Variants in GRM8 observed in about 807,000 individuals in gnomAD.
The protein encoded by GRM8 is glutamate metabotropic receptor 8.
GRM8 carries 47 observed loss-of-function variants against 87.2 expected under a neutral mutation model. The observed-to-expected ratio is 0.54, with a 90% CI of 0.43 to 0.69. GRM8 has a LOEUF of 0.69. Ranked by LOEUF, GRM8 falls within the 30% of genes least tolerant of loss-of-function variation. GRM8 has a pLI of 0.00. For missense variants in GRM8, 1,019 were observed against 1,139.2 expected (o/e 0.89, Z 1.52); for synonymous variants, 396 against 404.5 (o/e 0.98, Z 0.25).
intron 1 of GRM8, among the ~76,000 whole-genome samples, chr7:127,251,602 A>G (rs1582260): frequency 0.22 from 33,495 of 151,526 alleles, 4,193 homozygotes; most frequent in Middle Eastern, 0.32. Context: ...GGCCGTGGGG[A>G]GAGCGCCAGG....
intron 8 of GRM8, among the ~76,000 whole-genome samples, chr7:126,570,123 C>A (rs1794575414): frequency 6.6e-6 from 1 of 152,134 alleles, no homozygotes; most frequent in Non-Finnish European, 1.5e-5. Context: ...TTGATATTTT[C>A]TTTTGTTGTC....
chr7:126,544,835 T>G (rs1422395520), intron 8 of GRM8, among the ~76,000 whole-genome samples: 2 of 152,084 alleles, frequency 1.3e-5, no homozygotes, highest in Non-Finnish European at 2.9e-5. Context: ...ACAGATGATG[T>G]GGAAGACAGA....
chr7:126,544,451 G>T (rs1026957486), intron 8 of GRM8, among the ~76,000 whole-genome samples: 1 of 151,970 alleles, frequency 6.6e-6, no homozygotes, highest in Non-Finnish European at 1.5e-5. Flanking sequence ...TACCCTGACC[G>T]CATACCTCAC....
chr7:126,486,681 C>T (rs558215332), intron 9 of GRM8, among the ~76,000 whole-genome samples: 1 of 152,064 alleles, frequency 6.6e-6, no homozygotes, highest in African/African-American at 2.4e-5. Context: ...TGATATTTAC[C>T]ATATTTGAAA....
At chr7:126,887,834 C>T (rs1379246911) in intron 6 of GRM8, among the ~76,000 whole-genome samples, 1 of 152,010 alleles carries the variant, frequency 6.6e-6, no homozygotes, top group Non-Finnish European at 1.5e-5. Context: ...CAGACTGGTC[C>T]CACAAAGAAA....
intron 6 of GRM8, chr7:126,868,946 T>A (rs1272857467): frequency 6.6e-6 from 1 of 152,232 alleles, no homozygotes; most frequent in Non-Finnish European, 1.5e-5. Context: ...GATTTCTCTG[T>A]AGTATGCAAT....
chr7:127,043,340 C>T (rs1395709857), intron 3 of GRM8, among the ~76,000 whole-genome samples: 1 of 152,160 alleles, frequency 6.6e-6, no homozygotes, highest in Non-Finnish European at 1.5e-5. Context: ...GCACTATTCA[C>T]AATAGCAAAG....
At chr7:126,947,453 T>A (rs1232512922) in intron 3 of GRM8, among the ~76,000 whole-genome samples, 2 of 152,154 alleles carry the variant, frequency 1.3e-5, no homozygotes, top group African/African-American at 4.8e-5. Flanking sequence ...TGCATTCTGC[T>A]TCAGACCAGT....
chr7:127,084,070 G>A (rs1823181184), intron 3 of GRM8, among the ~76,000 whole-genome samples: 1 of 152,112 alleles, frequency 6.6e-6, no homozygotes, highest in Admixed American at 6.6e-5. Context: ...CCCTTAGTGA[G>A]GGAAAAAAGT....
intron 3 of GRM8, among the ~76,000 whole-genome samples, chr7:127,014,811 GT>G (rs1373069291): frequency 6.6e-6 from 1 of 151,582 alleles, no homozygotes; most frequent in Non-Finnish European, 1.5e-5. Context: ...GCCACTTAGA[GT>G]GTCAACTTCA....
intron 9 of GRM8, among the ~76,000 whole-genome samples, chr7:126,515,036 A>G (rs1811974301): frequency 6.6e-6 from 1 of 152,108 alleles, no homozygotes; most frequent in Non-Finnish European, 1.5e-5. Context: ...TCCCATATTT[A>G]TCACACGAGT....
chr7:126,647,286 A>AATAGATGG (rs758056937), intron 7 of GRM8, among the ~76,000 whole-genome samples: 2 of 139,260 alleles, frequency 1.4e-5, no homozygotes, highest in Admixed American at 7.4e-5. Context: ...TCTCTACATA[A>AATAGATGG]ATAGATGGAT....
chr7:127,042,349 A>G (rs1818502323), intron 3 of GRM8, among the ~76,000 whole-genome samples: 2 of 152,244 alleles, frequency 1.3e-5, no homozygotes, highest in African/African-American at 2.4e-5. Flanking sequence ...TAGACAGAAG[A>G]GCAAAGAAAT....
Position 126,617,728 on chromosome 7 carries a change from C to G in GRM8, c.1358-8230G>C, listed in dbSNP as rs559776050. 6.8e-3 allele frequency among the ~76,000 whole-genome samples: 1,037 copies of G among 152,166 alleles called. 11 individuals carry two copies. The highest frequency in any genetic ancestry group is 0.024 in the African/African-American group (993 of 41,522). The stretch of plus-strand genomic sequence containing the variant: ...AAAAATCACAAGCATTCTTATACAC[C>G]AATAACAGACAAACAGAGAGCCAAA... On this transcript the variant is annotated intron_variant, in intron 7 of 10. Transcript: ENST00000339582.
intron 3 of GRM8, among the ~76,000 whole-genome samples, chr7:126,966,118 G>A (rs1809826326): frequency 6.6e-6 from 1 of 152,046 alleles, no homozygotes; most frequent in South Asian, 2.1e-4. Flanking sequence ...AGGAGGTACA[G>A]AGATTTCTTT....
Position 127,041,613 on chromosome 7 carries a change from A to G in GRM8, c.727+64883T>C, listed in dbSNP as rs1407872540. The stretch of plus-strand genomic sequence containing the variant: ...CTGACAGAGATTATGTTCTATGAAC[A>G]AAAGTTCTCTACAGGAATATGGAGG... On this transcript the variant is annotated intron_variant, in intron 3 of 10. Coordinates refer to ENST00000339582, the MANE Select transcript of GRM8 (RefSeq NM_000845.3). Among the ~76,000 whole-genome samples the G allele has an allele frequency of 2.0e-5, 3 of 152,256 alleles. No individual in the cohort carries two copies. The East Asian group carries it at 5.8e-4, about 29-fold the overall frequency.
chr7:126,476,377 C>A (rs1805913146), intron 9 of GRM8, among the ~76,000 whole-genome samples: 1 of 152,100 alleles, frequency 6.6e-6, no homozygotes. Flanking sequence ...TATGATTGTG[C>A]CACTGCACTC....
At chr7:126,827,800 G>A (rs140541707) in intron 6 of GRM8, among the ~76,000 whole-genome samples, 31,115 of 152,112 alleles carry the variant, frequency 0.2, 3,582 homozygotes, top group East Asian at 0.5. Context: ...AGTTTTCAAA[G>A]GGAATTCTTC....
chr7:127,105,759 T>G (rs1825746475), intron 3 of GRM8, among the ~76,000 whole-genome samples: 1 of 152,228 alleles, frequency 6.6e-6, no homozygotes, highest in Non-Finnish European at 1.5e-5. Context: ...AAAGATATGT[T>G]GTTGACAAAT....
Sources: gnomAD v4.1 joint callset for allele counts (sites outside exome capture counted in the v4.1 genomes callset) on GRCh38, gnomAD v4.1.1 for gene constraint, MANE v1.5 for transcripts, NCBI Gene and HGNC (gene_info 2026-07-23, HGNC 2026-07-21) for gene names.